Variants in KMT2C observed in about 807,000 individuals in gnomAD.
The protein encoded by KMT2C is lysine methyltransferase 2C.
KMT2C carries 88 observed loss-of-function variants against 507.9 expected under a neutral mutation model. The observed-to-expected ratio is 0.17, with a 90% CI of 0.15 to 0.21. The LOEUF (loss-of-function observed/expected upper bound fraction) is 0.21. Ranked by LOEUF, KMT2C falls within the 10% of genes least tolerant of loss-of-function variation. The pLI is 1.00. For synonymous variants in KMT2C, 2,049 were observed against 2,080.8 expected (o/e 0.98, Z 0.42); for missense variants, 4,954 against 5,957.8 (o/e 0.83, Z 5.55).
intron 3 of KMT2C, among the ~76,000 whole-genome samples, chr7:152,316,120 T>C (rs559722216): frequency 1.1e-4 from 16 of 151,730 alleles, no homozygotes; most frequent in Admixed American, 1.1e-3. Flanking sequence ...CTGGGTTGAG[T>C]GGTAGTAGAT....
chr7:152,271,967 T>C (rs2095983237), intron 7 of KMT2C, among the ~76,000 whole-genome samples: 1 of 152,258 alleles, frequency 6.6e-6, no homozygotes, highest in African/African-American at 2.4e-5. Context: ...GGGGCCAAAT[T>C]TGTGGTTACG....
At chr7:152,179,168 G>C (rs1262983384) in intron 37 of KMT2C, among the ~76,000 whole-genome samples, 2 of 152,176 alleles carry the variant, frequency 1.3e-5, no homozygotes, top group African/African-American at 4.8e-5. Flanking sequence ...GCCAATTTTT[G>C]TATTTTTACT....
chr7:152,260,427 G>C (rs758056279), intron 9 of KMT2C, among the ~76,000 whole-genome samples: 2 of 152,022 alleles, frequency 1.3e-5, no homozygotes, highest in African/African-American at 4.8e-5. Context: ...AAATTATCCA[G>C]TAGTTACTAG....
chr7:152,307,278 A>AGG (rs1554631915), intron 6 of KMT2C, among the ~76,000 whole-genome samples: 1 of 107,390 alleles, frequency 9.3e-6, no homozygotes, highest in African/African-American at 4.4e-5. Flanking sequence ...AGGAAGAAAG[A>AGG]AAGGAAGGAA....
At position 152,144,614 on chromosome 7, in the gene KMT2C, A is replaced by C; in HGVS notation, c.14343+99T>G. ...TTTGAAAACACGTTTCTGTCCCTGCAGCTATGTGAAATCATTTTCACATAC... is the reference window on the plus strand; with the variant it reads ...TTTGAAAACACGTTTCTGTCCCTGCCGCTATGTGAAATCATTTTCACATAC... On this transcript the variant is annotated intron_variant, in intron 55 of 58. Coordinates refer to ENST00000262189, the MANE Select transcript of KMT2C (RefSeq NM_170606.3). The surrounding 1 kb of genome is among the most constrained non-coding windows in gnomAD (Gnocchi z 4.4). The C allele has an allele frequency of 1.7e-6, 2 of 1,160,396 alleles. No individual in the cohort carries two copies. Among genetic ancestry groups the C allele is most frequent in the Non-Finnish European group, 2.5e-6 (2 of 799,770 alleles). 71.9% of individuals were successfully genotyped at this position (1,160,396 alleles called of 1,614,324 possible).
At chr7:152,233,688 T>C (rs1410392929) in intron 16 of KMT2C, among the ~76,000 whole-genome samples, 1 of 152,178 alleles carries the variant, frequency 6.6e-6, no homozygotes. Flanking sequence ...TCATTACAGA[T>C]TCTACAGGTA....
intron 31 of KMT2C, among the ~76,000 whole-genome samples, chr7:152,191,106 ATACTC>A (rs2093778572): frequency 3.3e-5 from 5 of 152,204 alleles, no homozygotes; most frequent in African/African-American, 4.8e-5. Context: ...TCGAGATTCT[ATACTC>A]TACTGGCAGT....
intron 31 of KMT2C, among the ~76,000 whole-genome samples, chr7:152,192,359 G>A (rs2093823609): frequency 6.6e-6 from 1 of 151,890 alleles, no homozygotes; most frequent in Non-Finnish European, 1.5e-5. Flanking sequence ...TGACCAAGAT[G>A]GTGAAACCCC....
In KMT2C at chr7:152,191,041, T is replaced by C. The variant is rs568671210; in HGVS notation, c.4660+2968A>G. On this transcript the variant is annotated intron_variant, in intron 31 of 58. Transcript: ENST00000262189. ...AAGAAACATGTAATTGCACACCTAA[T>C]ATAAATCAGATGAGTTAAGCATATA... Among the ~76,000 whole-genome samples the C allele has an allele frequency of 6.6e-5, 10 of 152,298 alleles. No homozygotes were observed. In the East Asian group the frequency reaches 1.7e-3, roughly 26 times the overall value.
At chr7:152,279,478 G>A (rs2096158933) in intron 6 of KMT2C, among the ~76,000 whole-genome samples, 2 of 152,174 alleles carry the variant, frequency 1.3e-5, no homozygotes, top group South Asian at 4.1e-4. Flanking sequence ...TTATTAAAAT[G>A]CTGTTAATGA....
chr7:152,400,776 C>T (rs893683692), intron 1 of KMT2C, among the ~76,000 whole-genome samples: 2 of 150,878 alleles, frequency 1.3e-5, no homozygotes, highest in Non-Finnish European at 2.9e-5. Context: ...GCTCTAATAA[C>T]AGTAGTAGCA....
intron 3 of KMT2C, among the ~76,000 whole-genome samples, chr7:152,318,802 T>C (rs1185244935): frequency 6.6e-6 from 1 of 151,874 alleles, no homozygotes; most frequent in Non-Finnish European, 1.5e-5. Flanking sequence ...GAAAGTTATG[T>C]CAAAAAGAAA....
At chr7:152,283,228 AT>A (rs2129182545) in intron 6 of KMT2C, among the ~76,000 whole-genome samples, 1 of 152,420 alleles carries the variant, frequency 6.6e-6, no homozygotes, top group South Asian at 2.1e-4. Context: ...ATTGTTTCAA[AT>A]TAGGGTTTTT....
rs200707074 is a variant in KMT2C at position 152,160,347 on chromosome 7, T to A, written c.11461-1275A>T. Among the ~76,000 whole-genome samples the A allele has an allele frequency of 2.6e-5, 4 of 152,222 alleles. No individual in the cohort carries two copies. The East Asian group carries it at 5.8e-4, about 22-fold the overall frequency. On this transcript the variant is annotated intron_variant, in intron 43 of 58. Transcript: ENST00000262189. ...TCTGGTCCCACCCAGACCTGCAGAATCAGAAATACCGGGGCTGGAGCCCAG... is the reference window on the plus strand; with the variant it reads ...TCTGGTCCCACCCAGACCTGCAGAAACAGAAATACCGGGGCTGGAGCCCAG...
intron 35 of KMT2C, 28 bp downstream of exon 35, chr7:152,182,946 A>G (rs1179042094): frequency 3.3e-6 from 5 of 1,520,024 alleles, no homozygotes; most frequent in Middle Eastern, 1.8e-4. Flanking sequence ...TGCAACTTCA[A>G]AAAGTAGATT....
rs756258310 is a variant in KMT2C, at chr7:152,207,387, G to T, written c.3754C>A (p.Pro1252Thr). 9 of 1,609,444 alleles carry T rather than the reference G, an allele frequency of 5.6e-6. No homozygotes were observed. In the Middle Eastern group the frequency reaches 1.3e-3, roughly 237 times the overall value. ...TCATCATCCACAGCTTCCCGCTCAGGACTAGATTCTGATTTTCCATCACAA... is the reference window on the plus strand; with the variant it reads ...TCATCATCCACAGCTTCCCGCTCAGTACTAGATTCTGATTTTCCATCACAA... Reference protein sequence around the residue: ...MDCDGKSESSPEREAVDDETK... With the variant: ...MDCDGKSESSTEREAVDDETK... Residue 1252 changes from proline (P) to threonine (T), a missense_variant, in exon 24 of 59, where the codon CCT (proline) becomes ACT (threonine). By Grantham distance (38) the Pro-to-Thr change is conservative (BLOSUM62 -1). This residue lies in a region of KMT2C where 176 missense variants were observed against 262.0 expected (regional missense o/e 0.67). Transcript: ENST00000262189.
intron 2 of KMT2C, among the ~76,000 whole-genome samples, chr7:152,331,495 G>C (rs908561323): frequency 6.6e-6 from 1 of 151,542 alleles, no homozygotes; most frequent in Admixed American, 6.6e-5. Context: ...TGTAGTCCTA[G>C]CGACTCTGGT....
chr7:152,173,901 T>C (rs967252768), intron 39 of KMT2C, among the ~76,000 whole-genome samples: 1 of 152,258 alleles, frequency 6.6e-6, no homozygotes, highest in African/African-American at 2.4e-5. Flanking sequence ...TAAGATGTTT[T>C]ACATTTACCA....
intron 1 of KMT2C, among the ~76,000 whole-genome samples, chr7:152,377,523 C>A (rs2097338330): frequency 6.6e-6 from 1 of 152,140 alleles, no homozygotes; most frequent in Non-Finnish European, 1.5e-5. Context: ...TCACTTGAAG[C>A]CAGGAGTTCA....
Sources: allele counts gnomAD v4.1 joint callset (sites outside exome capture counted in the v4.1 genomes callset), GRCh38; gene constraint gnomAD v4.1.1; regional missense constraint gnomAD v4.1.1; non-coding constraint Gnocchi (gnomAD v3.1); transcripts MANE v1.5; gene names NCBI Gene and HGNC (gene_info 2026-07-23, HGNC 2026-07-21).